The following GTPBP2 variants were observed in gnomAD, a reference collection of about 807,000 sequenced individuals.
GTPBP2 encodes the protein GTP binding protein 2, also known as GTP-binding protein 2.
Under a neutral mutation model 63.0 loss-of-function variants are expected in GTPBP2, and 32 were observed. That is an observed-to-expected ratio of 0.51 (90% CI 0.38 to 0.68). GTPBP2 has a LOEUF of 0.68. Among genes scored for constraint, GTPBP2 ranks in the 30% least tolerant of loss-of-function variants. The pLI is 0.00. For missense variants in GTPBP2, 492 were observed against 796.9 expected (o/e 0.62, Z 4.61); for synonymous variants, 310 against 322.6 (o/e 0.96, Z 0.42).
chr6:43,623,505 CTT>C (rs1159952978), intron 9 of GTPBP2: 2 of 571,324 alleles, frequency 3.5e-6, no homozygotes, highest in Non-Finnish European at 6.2e-6. Flanking sequence ...AAGACCCACA[CTT>C]CTCTCTCAGG....
chr6:43,630,623 A>G (rs961778382), upstream of GTPBP2, among the ~76,000 whole-genome samples: 1 of 152,062 alleles, frequency 6.6e-6, no homozygotes, highest in African/African-American at 2.4e-5. Context: ...CATGCCTGTA[A>G]TCCCGGCTGC....
chr6:43,629,846 G>T (rs1279186030), upstream of GTPBP2: 1 of 1,496,570 alleles, frequency 6.7e-7, no homozygotes, highest in Non-Finnish European at 9.0e-7. Context: ...GGATGATTAT[G>T]CTACCTTTAC....
upstream of GTPBP2, among the ~76,000 whole-genome samples, chr6:43,630,077 A>G (rs1043346331): frequency 6.6e-6 from 1 of 152,194 alleles, no homozygotes; most frequent in Non-Finnish European, 1.5e-5. Context: ...AGACTGTAGG[A>G]GGGGCCTGGC....
Position 43,621,573 on chromosome 6 carries a change from T to G in GTPBP2, c.*41A>C. 6.2e-7 allele frequency: 1 copy of G among 1,613,812 alleles called. No homozygotes were observed. The highest frequency in any genetic ancestry group is 8.5e-7 in the Non-Finnish European group (1 of 1,179,824). On this transcript the variant is annotated 3_prime_UTR_variant, in exon 12 of 12. Coordinates refer to ENST00000307126, the MANE Select transcript of GTPBP2 (RefSeq NM_019096.5). ...CAGCATGGCCAGAAGTCACCTTATA[T>G]ATTGTAGGGACAGCAATAGAACTGT... is the stretch of plus-strand genomic sequence containing the variant.
At chr6:43,630,733 A>T (rs1308373077), upstream of GTPBP2, among the ~76,000 whole-genome samples, 1 of 147,682 alleles carries the variant, frequency 6.8e-6, no homozygotes, top group Non-Finnish European at 1.5e-5. Flanking sequence ...ACAGAGCGAG[A>T]CTCCAACTAA....
At position 43,626,485 on chromosome 6, in the gene GTPBP2, G is replaced by C; in HGVS notation, c.214-75C>G. On this transcript the variant is annotated intron_variant, in intron 2 of 11. Coordinates refer to ENST00000307126, the MANE Select transcript of GTPBP2 (RefSeq NM_019096.5). This position sits in a 1 kb window ranked among gnomAD's most constrained non-coding sequence, Gnocchi z 4.0. Reference sequence around the variant, plus strand: ...AACCTACATGGTCCCCACCTGTTCTGCTGCAAGGACCAGGACTTTCTCTTT... The same window carrying C: ...AACCTACATGGTCCCCACCTGTTCTCCTGCAAGGACCAGGACTTTCTCTTT... The C allele has an allele frequency of 8.4e-7, 1 of 1,188,976 alleles. No homozygotes were observed. The highest frequency in any genetic ancestry group is 1.3e-5 in the South Asian group (1 of 75,512). The allele number at this position is 1,188,976 out of a possible 1,614,324, so 73.7% of individuals were successfully genotyped here.
At position 43,621,210 on chromosome 6, in the gene GTPBP2, A is replaced by C; in HGVS notation, c.*404T>G. On this transcript the variant is annotated 3_prime_UTR_variant, in exon 12 of 12. Coordinates refer to ENST00000307126, the MANE Select transcript of GTPBP2 (RefSeq NM_019096.5). ...CATGGCCTTGAGAAGAGGTATAGAA[A>C]AAGGAGTGCTTTTGAGGGCTACCCC... 2.7e-6 allele frequency: 1 copy of C among 364,102 alleles called. No homozygotes were observed. The allele number at this position is 364,102 out of a possible 1,614,324, so 22.6% of individuals were successfully genotyped here. A position where few individuals can be genotyped will look rare whatever the true frequency, so the allele number is the denominator to read the frequency against.
In GTPBP2 at chr6:43,625,890, A is replaced by G; in HGVS notation, c.399-26T>C. ...CTGTCACAGCAAGGCCACAGCTGCC[A>G]TATCTCACCTGTCCTTCTCCTATTC... On this transcript the variant is annotated intron_variant, in intron 3 of 11. Transcript: ENST00000307126. The surrounding 1 kb of genome is among the most constrained non-coding windows in gnomAD (Gnocchi z 5.1). The G allele has an allele frequency of 1.5e-5, 24 of 1,548,868 alleles. No individual in the cohort carries two copies. Among genetic ancestry groups the G allele is most frequent in the Non-Finnish European group, 2.1e-5 (24 of 1,120,648 alleles).
Position 43,624,802 on chromosome 6 carries a change from G to A in GTPBP2, c.881-73C>T. The A allele has an allele frequency of 1.3e-6, 2 of 1,577,570 alleles. No homozygotes were observed. The highest frequency in any genetic ancestry group is 2.2e-5 in the South Asian group (2 of 90,296). On this transcript the variant is annotated intron_variant, in intron 6 of 11. Transcript: ENST00000307126. This position sits in a 1 kb window ranked among gnomAD's most constrained non-coding sequence, Gnocchi z 5.1. The stretch of plus-strand genomic sequence containing the variant: ...GGAGGGAGGAGAGGGAAGAAGAGGA[G>A]CATTGGTCTGTCTCCAAGATTTGAG...
chr6:43,621,964 T>A (rs1768774682), intron 11 of GTPBP2, 39 bp downstream of exon 11: 1 of 1,612,560 alleles, frequency 6.2e-7, no homozygotes, highest in African/African-American at 1.3e-5. Flanking sequence ...CTCCCTCTTT[T>A]CTGACCTCTG....
chr6:43,626,562 T>C lies in GTPBP2; in HGVS notation c.214-152A>G. ...TCCAACAGAACGAGGTACAGAGCCC[T>C]TAACCTGAACCATATCCTTAAACTG... is the stretch of plus-strand genomic sequence containing the variant. On this transcript the variant is annotated intron_variant, in intron 2 of 11. Coordinates refer to ENST00000307126, the MANE Select transcript of GTPBP2 (RefSeq NM_019096.5). The surrounding 1 kb of genome is among the most constrained non-coding windows in gnomAD (Gnocchi z 4.0). 1.6e-6 allele frequency: 1 copy of C among 632,388 alleles called. No individual in the cohort carries two copies. Among genetic ancestry groups the C allele is most frequent in the Non-Finnish European group, 2.8e-6 (1 of 362,136 alleles). The allele number at this position is 632,388 out of a possible 1,614,324, so 39.2% of individuals were successfully genotyped here. A position where few individuals can be genotyped will look rare whatever the true frequency, so the allele number is the denominator to read the frequency against.
In GTPBP2 at chr6:43,623,720, C is replaced by G; in HGVS notation, c.1295+17G>C. 6.3e-7 allele frequency: 1 copy of G among 1,595,478 alleles called. No homozygotes were observed. ...GGTGAGGGCTGAGTGGGGAGGGTAGCAAGCAAGACAATTTACCTGGAAAGT... is the reference window on the plus strand; with the variant it reads ...GGTGAGGGCTGAGTGGGGAGGGTAGGAAGCAAGACAATTTACCTGGAAAGT... On this transcript the variant is annotated intron_variant, in intron 9 of 11. Coordinates refer to ENST00000307126, the MANE Select transcript of GTPBP2 (RefSeq NM_019096.5).
chr6:43,628,725 G>T, intron 1 of GTPBP2: 1 of 732,510 alleles, frequency 1.4e-6, no homozygotes, highest in Non-Finnish European at 2.5e-6. Context: ...CTTCTCTCCT[G>T]GGGTAATCTA....
rs776420250 is a variant in GTPBP2 at position 43,625,408 on chromosome 6, G to A, written c.660C>T (p.Thr220=). The A allele has an allele frequency of 2.4e-5, 38 of 1,613,982 alleles. No individual in the cohort carries two copies. The highest frequency in any genetic ancestry group is 3.1e-5 in the Non-Finnish European group (37 of 1,180,038). Residue 220 remains threonine (T), a synonymous_variant, in exon 5 of 12, where the codon ACC becomes ACT. Transcript: ENST00000307126. This position sits in a 1 kb window ranked among gnomAD's most constrained non-coding sequence, Gnocchi z 5.1. ...RHLHEIQSGR[T]SSISFEILGF... ...CCAGGATCTCGAAGCTGATGCTGGA[G>A]GTTCGGCCAGACTGAATCTCATGCA...
chr6:43,630,612 G>C (rs1269490790), upstream of GTPBP2, among the ~76,000 whole-genome samples: 1 of 152,068 alleles, frequency 6.6e-6, no homozygotes, highest in Non-Finnish European at 1.5e-5. Context: ...GCGTGGTGGC[G>C]CATGCCTGTA....
Position 43,627,745 on chromosome 6 carries a change from G to A in GTPBP2, c.187-797C>T, listed in dbSNP as rs569051447. Among the ~76,000 whole-genome samples, 12 of 152,260 alleles carry A rather than the reference G, an allele frequency of 7.9e-5. No individual in the cohort carries two copies. The South Asian group carries it at 2.5e-3, about 32-fold the overall frequency. ...TTGGCCAGTCTGCATTTTTCTACCC[G>A]CCTCTCTGGATATTTTAGTTTTCCT... On this transcript the variant is annotated intron_variant, in intron 1 of 11. Transcript: ENST00000307126.
Position 43,629,232 on chromosome 6 carries a change from G to T in GTPBP2, c.-70C>A. ...CGCCGCCGTCGCCGCCGCCCTTACT[G>T]CCACTGCCGTGTCCGGCCGGCCTGA... On this transcript the variant is annotated 5_prime_UTR_variant, in exon 1 of 12. Coordinates refer to ENST00000307126, the MANE Select transcript of GTPBP2 (RefSeq NM_019096.5). 1.8e-6 allele frequency: 2 copies of T among 1,118,414 alleles called. No homozygotes were observed. Among genetic ancestry groups the T allele is most frequent in the Non-Finnish European group, 2.3e-6 (2 of 860,000 alleles). 69.3% of individuals were successfully genotyped at this position (1,118,414 alleles called of 1,614,324 possible). A position where few individuals can be genotyped will look rare whatever the true frequency, so the allele number is the denominator to read the frequency against.
chr6:43,625,932 C>T lies in GTPBP2; in HGVS notation c.399-68G>A, dbSNP rs1769287729. The stretch of plus-strand genomic sequence containing the variant: ...CTCCTATTCCAGGCTCGCTCTGGAC[C>T]TACAGACTTCCTGCACCTCCCACAG... On this transcript the variant is annotated intron_variant, in intron 3 of 11. Transcript: ENST00000307126. This position sits in a 1 kb window ranked among gnomAD's most constrained non-coding sequence, Gnocchi z 5.1. 8.1e-7 allele frequency: 1 copy of T among 1,236,298 alleles called. No individual in the cohort carries two copies. 76.6% of individuals were successfully genotyped at this position (1,236,298 alleles called of 1,614,324 possible).
rs898516833 is a variant in GTPBP2 at position 43,621,406 on chromosome 6, T to G, written c.*208A>C. The G allele has an allele frequency of 1.3e-6, 2 of 1,533,126 alleles. No homozygotes were observed. Among genetic ancestry groups the G allele is most frequent in the Non-Finnish European group, 1.8e-6 (2 of 1,135,784 alleles). The allele number at this position is 1,533,126 out of a possible 1,614,324, so 95.0% of individuals were successfully genotyped here. On this transcript the variant is annotated 3_prime_UTR_variant, in exon 12 of 12. Coordinates refer to ENST00000307126, the MANE Select transcript of GTPBP2 (RefSeq NM_019096.5). ...AGCACACAGCTTCGGAGCACTGCCC[T>G]GAATCCTGTCTTCTCCCTCAGGACT...
Sources: allele counts gnomAD v4.1 joint callset (sites outside exome capture counted in the v4.1 genomes callset), GRCh38; gene constraint gnomAD v4.1.1; non-coding constraint Gnocchi (gnomAD v3.1); transcripts MANE v1.5; gene names NCBI Gene and HGNC (gene_info 2026-07-23, HGNC 2026-07-21).